The following USP15 variants were observed in gnomAD, a reference collection of about 807,000 sequenced individuals.
USP15 encodes ubiquitin carboxyl-terminal hydrolase 15.
A neutral mutation model predicts 127.1 loss-of-function variants in USP15; 18 were observed. The observed-to-expected ratio is 0.14, with a 90% confidence interval of 0.10 to 0.21. USP15 has a LOEUF of 0.21. Ranked by LOEUF, USP15 falls within the 10% of genes least tolerant of loss-of-function variation. The pLI, the probability that USP15 is intolerant of heterozygous loss-of-function variation, is 1.00. For missense variants in USP15, 805 were observed against 1,159.9 expected, an observed-to-expected ratio of 0.69 and a Z score of 4.44; for synonymous variants, 364 against 393.7, an observed-to-expected ratio of 0.92 and a Z score of 0.89.
At chr12:62,331,613 C>T (rs73137528) in intron 6 of USP15, among the ~76,000 whole-genome samples, 12,210 of 152,172 alleles carry the variant, frequency 0.08, 598 homozygotes, top group Middle Eastern at 0.16. Context: ...AATAGAGGAA[C>T]CTACTTAGTG....
At chr12:62,367,664 T>C (rs1049104277) in intron 8 of USP15, among the ~76,000 whole-genome samples, 18 of 152,222 alleles carry the variant, frequency 1.2e-4, no homozygotes, top group African/African-American at 4.3e-4. Flanking sequence ...AACCCCTTTA[T>C]CATTTTTTAT....
chr12:62,320,597 G>A (rs2064956823), intron 4 of USP15, among the ~76,000 whole-genome samples: 1 of 152,056 alleles, frequency 6.6e-6, no homozygotes, highest in Non-Finnish European at 1.5e-5. Flanking sequence ...TTGAATTAGT[G>A]CCTTTTTTTC....
intron 5 of USP15, among the ~76,000 whole-genome samples, chr12:62,324,684 CTT>C (rs887753762): frequency 8.6e-5 from 13 of 151,836 alleles, no homozygotes; most frequent in African/African-American, 3.1e-4. Context: ...TACAAATACA[CTT>C]TTTAATGTGT....
At chr12:62,327,884 A>G (rs2065176321) in intron 6 of USP15, 1 of 227,854 alleles carries the variant, frequency 4.4e-6, no homozygotes, top group Non-Finnish European at 8.9e-6. Flanking sequence ...AAAGTTAAAT[A>G]TCCATTCCCT....
At chr12:62,314,468 C>G (rs2064773642) in intron 3 of USP15, among the ~76,000 whole-genome samples, 1 of 151,808 alleles carries the variant, frequency 6.6e-6, no homozygotes, top group African/African-American at 2.4e-5. Context: ...GGTAATCTTT[C>G]TCATTATAAA....
intron 5 of USP15, among the ~76,000 whole-genome samples, chr12:62,324,768 A>C (rs1404016032): frequency 2.0e-5 from 3 of 151,928 alleles, no homozygotes; most frequent in Non-Finnish European, 4.4e-5. Context: ...GATTTCATGA[A>C]TTTTTTTAAA....
At chr12:62,404,155 G>T (rs765724557) in intron 21 of USP15, 38 bp from the exon 22 acceptor site, 1 of 1,516,528 alleles carries the variant, frequency 6.6e-7, no homozygotes, top group Non-Finnish European at 8.9e-7. Context: ...CGTGATCTTT[G>T]AGAATCATAA....
intron 11 of USP15, among the ~76,000 whole-genome samples, chr12:62,388,544 AT>A (rs1459451712): frequency 1.3e-5 from 2 of 152,184 alleles, no homozygotes; most frequent in African/African-American, 2.4e-5. Flanking sequence ...GGCACTGTGG[AT>A]TTGTAGCACA....
chr12:62,315,792 T>G (rs563252117), intron 4 of USP15, among the ~76,000 whole-genome samples: 1 of 152,318 alleles, frequency 6.6e-6, no homozygotes, highest in East Asian at 1.9e-4. Context: ...CATTTGGCTT[T>G]CTTTCACCAC....
intron 1 of USP15, among the ~76,000 whole-genome samples, chr12:62,266,203 A>G (rs902144178): frequency 6.6e-6 from 1 of 152,224 alleles, no homozygotes; most frequent in African/African-American, 2.4e-5. Context: ...TAGAGATGAT[A>G]TGGCCCCTTC....
chr12:62,382,810 C>G (rs959007892), intron 9 of USP15, among the ~76,000 whole-genome samples: 1 of 151,878 alleles, frequency 6.6e-6, no homozygotes, highest in African/African-American at 2.4e-5. Context: ...GAGTAGTTAT[C>G]TTAAAAATGC....
chr12:62,344,169 C>T (rs916935336), intron 6 of USP15, among the ~76,000 whole-genome samples: 1 of 152,158 alleles, frequency 6.6e-6, no homozygotes, highest in African/African-American at 2.4e-5. Flanking sequence ...TCATTCAAGA[C>T]AAGGCAAGTC....
chr12:62,290,954 TGACTTGTAAG>T (rs2063947544), intron 1 of USP15, among the ~76,000 whole-genome samples: 1 of 152,312 alleles, frequency 6.6e-6, no homozygotes, highest in South Asian at 2.1e-4. Flanking sequence ...CAGTCTCTTC[TGACTTGTAAG>T]TCATCTGCCA....
At chr12:62,366,002 G>A (rs2066464101) in intron 8 of USP15, among the ~76,000 whole-genome samples, 7 of 152,160 alleles carry the variant, frequency 4.6e-5, no homozygotes, top group Admixed American at 4.6e-4. Context: ...CTTCAGCTTT[G>A]TTCTCTTTGC....
intron 1 of USP15, among the ~76,000 whole-genome samples, chr12:62,291,712 G>A (rs912147804): frequency 4.6e-5 from 7 of 152,096 alleles, no homozygotes; most frequent in African/African-American, 1.2e-4. Context: ...TGTTGAATAT[G>A]GTCATTTGGC....
chr12:62,335,845 T>C, intron 6 of USP15: 1 of 985,430 alleles, frequency 1.0e-6, no homozygotes, highest in South Asian at 4.7e-5. Flanking sequence ...TATTTCTTTT[T>C]GATAACCATC....
At chr12:62,332,610 C>T (rs1341972163) in intron 6 of USP15, among the ~76,000 whole-genome samples, 1 of 151,878 alleles carries the variant, frequency 6.6e-6, no homozygotes, top group Non-Finnish European at 1.5e-5. Flanking sequence ...AAGATATGTG[C>T]TTAAGTATTG....
intron 1 of USP15, among the ~76,000 whole-genome samples, chr12:62,283,970 A>G (rs2063724487): frequency 1.3e-5 from 2 of 152,184 alleles, no homozygotes; most frequent in East Asian, 1.9e-4. Flanking sequence ...TATTATTTCT[A>G]TGCATCAACT....
At position 62,344,565 on chromosome 12, in the gene USP15, C is replaced by T. The variant is rs370164162; in HGVS notation, c.684-4656C>T. The stretch of plus-strand genomic sequence containing the variant: ...TACCATTCTGGGGTCTGGAGGACAG[C>T]GGCCCTCTTCTCACAGCTCCAGTAG... On this transcript the variant is annotated intron_variant, in intron 6 of 21. Coordinates refer to ENST00000280377, the MANE Select transcript of USP15 (RefSeq NM_001252078.2). Among the ~76,000 whole-genome samples the T allele has an allele frequency of 5.9e-5, 9 of 152,210 alleles. No individual in the cohort carries two copies. In the East Asian group the frequency reaches 9.6e-4, roughly 16 times the overall value.
Sources: gnomAD v4.1 joint callset for allele counts (sites outside exome capture counted in the v4.1 genomes callset) on GRCh38, gnomAD v4.1.1 for gene constraint, MANE v1.5 for transcripts, NCBI Gene and HGNC (gene_info 2026-07-23, HGNC 2026-07-21) for gene names.